NHSL1: variants seen among roughly 807,000 people sequenced by gnomAD.
The protein encoded by NHSL1 is NHS-like protein 1.
NHSL1 carries 48 observed loss-of-function variants against 95.0 expected under a neutral mutation model. That is an observed-to-expected ratio of 0.51 (90% CI 0.40 to 0.64). The LOEUF (loss-of-function observed/expected upper bound fraction) is 0.64. Ranked by LOEUF, NHSL1 falls within the 30% of genes least tolerant of loss-of-function variation. The probability of loss-of-function intolerance (pLI) is 0.00; values close to 1 mark genes in which losing one functional copy is unlikely to be tolerated. For synonymous variants in NHSL1, 783 were observed against 833.9 expected (o/e 0.94, Z 1.05); for missense variants, 1,971 against 2,077.7 (o/e 0.95, Z 1.00).
At chr6:138,429,617 G>GA (rs1775492225) in intron 7 of NHSL1, 94 bp downstream of exon 7, 1 of 1,192,768 alleles carries the variant, frequency 8.4e-7, no homozygotes, top group Non-Finnish European at 1.1e-6. Flanking sequence ...TTGGGTGACA[G>GA]AAGAAACCTC....
rs1223675524 is a variant in NHSL1, at chr6:138,499,457, T to A, written c.-167A>T. On this transcript the variant is annotated 5_prime_UTR_variant, in exon 1 of 8. Transcript: ENST00000343505. ...CTGATGTAACTGAGGTTGAGTTTAT[T>A]GTCAGGCAGTTACAAACCATTAACA... 9.4e-5 allele frequency: 131 copies of A among 1,393,840 alleles called. No individual in the cohort carries two copies. The highest frequency in any genetic ancestry group is 1.2e-4 in the Non-Finnish European group (131 of 1,064,290). The allele number at this position is 1,393,840 out of a possible 1,614,324, so 86.3% of individuals were successfully genotyped here.
At chr6:138,466,041 T>TGGGGGGG (rs71009586) in intron 3 of NHSL1, among the ~76,000 whole-genome samples, 2 of 125,608 alleles carry the variant, frequency 1.6e-5, no homozygotes, top group African/African-American at 2.9e-5. Flanking sequence ...CACTCCTTTT[T>TGGGGGGG]GGGGGGGGGG....
At chr6:138,677,952 C>A (rs1785468773) in intron 1 of NHSL1, among the ~76,000 whole-genome samples, 1 of 152,168 alleles carries the variant, frequency 6.6e-6, no homozygotes, top group African/African-American at 2.4e-5. Context: ...GTATGGGTCA[C>A]CATTCTCTAG....
chr6:138,545,598 C>A (rs1471281866), intron 1 of NHSL1: 2 of 1,283,756 alleles, frequency 1.6e-6, no homozygotes, highest in Non-Finnish European at 2.0e-6. Context: ...ACTTTGCCAC[C>A]CAAATGGACA....
Position 138,431,333 on chromosome 6 carries a change from T to C in NHSL1, c.3012A>G (p.Ser1004=). 1 of 1,521,296 alleles carries C rather than the reference T, an allele frequency of 6.6e-7. No homozygotes were observed. The allele number at this position is 1,521,296 out of a possible 1,614,324, so 94.2% of individuals were successfully genotyped here. The part of the protein sequence containing the change: ...RPALSPILPD[S]PVSLPLPPPL... ...GTGGGGGCAATGGCAAGGACACAGG[T>C]GAATCTGGAAGAATGGGGCTCAGTG... is the stretch of plus-strand genomic sequence containing the variant. Residue 1004 remains serine (S), a synonymous_variant, in exon 6 of 8, where the codon TCA becomes TCG. Transcript: ENST00000343505. This position sits in a 1 kb window ranked among gnomAD's most constrained non-coding sequence, Gnocchi z 4.0.
chr6:138,560,255 C>T (rs1424446249), intron 1 of NHSL1, among the ~76,000 whole-genome samples: 1 of 152,228 alleles, frequency 6.6e-6, no homozygotes, highest in Non-Finnish European at 1.5e-5. Context: ...AATAAACCAA[C>T]ACATTCTCCA....
intron 1 of NHSL1, among the ~76,000 whole-genome samples, chr6:138,560,816 A>T (rs1363772421): frequency 6.6e-6 from 1 of 152,252 alleles, no homozygotes; most frequent in African/African-American, 2.4e-5. Context: ...ATCCAGAAAC[A>T]CCAGATACCC....
chr6:138,666,020 T>C (rs1039908603), intron 1 of NHSL1, among the ~76,000 whole-genome samples: 4 of 152,218 alleles, frequency 2.6e-5, no homozygotes, highest in African/African-American at 7.2e-5. Flanking sequence ...AAAGAAAGAA[T>C]TGGCCGGGTG....
intron 7 of NHSL1, among the ~76,000 whole-genome samples, chr6:138,428,256 T>C (rs752832032): frequency 6.6e-6 from 1 of 152,362 alleles, no homozygotes; most frequent in Admixed American, 6.5e-5. Context: ...CATTCCATAC[T>C]AAATGAAATA....
intron 1 of NHSL1, among the ~76,000 whole-genome samples, chr6:138,602,215 T>C (rs879676689): frequency 6.6e-6 from 1 of 152,244 alleles, no homozygotes; most frequent in Admixed American, 6.5e-5. Flanking sequence ...GATATGTCTC[T>C]CCATGTGTTC....
Position 138,442,098 on chromosome 6 carries a change from G to A in NHSL1, c.549C>T (p.Arg183=). The A allele has an allele frequency of 6.5e-7, 1 of 1,550,082 alleles. No individual in the cohort carries two copies. ...TTAGAGACCGCCGAAGGCTGGCCTG[G>A]CGATCGAAATTCTCCCCTAATGTAG... is the stretch of plus-strand genomic sequence containing the variant. The part of the protein sequence containing the change: ...PINITGENFD[R]QASLRRSLIY... Residue 183 remains arginine, a synonymous_variant, in exon 5 of 8, where the codon CGC becomes CGT. Transcript: ENST00000343505.
At chr6:138,525,757 T>C (rs1056777144) in intron 1 of NHSL1, among the ~76,000 whole-genome samples, 34 of 152,120 alleles carry the variant, frequency 2.2e-4, no homozygotes, top group African/African-American at 7.7e-4. Flanking sequence ...GGAGAAATAC[T>C]TTGGGATCTG....
intron 1 of NHSL1, among the ~76,000 whole-genome samples, chr6:138,590,571 T>C (rs867567555): frequency 2.0e-5 from 3 of 152,150 alleles, no homozygotes; most frequent in Non-Finnish European, 2.9e-5. Flanking sequence ...CTCTGCCTCA[T>C]GAAACCCAAG....
intron 3 of NHSL1, among the ~76,000 whole-genome samples, chr6:138,448,378 C>T (rs888241994): frequency 1.3e-5 from 2 of 152,036 alleles, no homozygotes; most frequent in Admixed American, 6.6e-5. Context: ...TCTTTAAGTC[C>T]GAAGCATTTA....
chr6:138,464,598 T>G (rs1009849436), intron 3 of NHSL1, among the ~76,000 whole-genome samples: 4 of 152,210 alleles, frequency 2.6e-5, no homozygotes, highest in Non-Finnish European at 4.4e-5. Flanking sequence ...TTAAAAAGTA[T>G]CTAATCTGTT....
At chr6:138,428,557 G>A (rs17067564) in intron 7 of NHSL1, among the ~76,000 whole-genome samples, 14,364 of 152,246 alleles carry the variant, frequency 0.094, 965 homozygotes, top group African/African-American at 0.2. Flanking sequence ...CTAGAGGAGC[G>A]ACGTAAAGAG....
chr6:138,584,332 A>G (rs1429685901), intron 1 of NHSL1, among the ~76,000 whole-genome samples: 1 of 151,956 alleles, frequency 6.6e-6, no homozygotes, highest in East Asian at 1.9e-4. Context: ...TGTTTCTCTC[A>G]CATACTGTGT....
intron 1 of NHSL1, among the ~76,000 whole-genome samples, chr6:138,536,075 G>A (rs925985412): frequency 2.0e-5 from 3 of 152,164 alleles, no homozygotes; most frequent in African/African-American, 7.2e-5. Flanking sequence ...TTAGAGTAAA[G>A]GAAATCTAGT....
intron 1 of NHSL1, among the ~76,000 whole-genome samples, chr6:138,570,040 A>C (rs1783782438): frequency 6.6e-6 from 1 of 152,224 alleles, no homozygotes; most frequent in Non-Finnish European, 1.5e-5. Flanking sequence ...CTTTACAATG[A>C]CTTCTTTATT....
Sources: gnomAD v4.1 joint callset for allele counts (sites outside exome capture counted in the v4.1 genomes callset) on GRCh38, gnomAD v4.1.1 for gene constraint, Gnocchi (gnomAD v3.1) non-coding constraint, MANE v1.5 for transcripts, NCBI Gene and HGNC (gene_info 2026-07-23, HGNC 2026-07-21) for gene names.